Variants in NRIP1 observed in about 807,000 individuals in gnomAD.
NRIP1 encodes the protein nuclear receptor interacting protein 1.
A neutral mutation model predicts 75.0 loss-of-function variants in NRIP1; 28 were observed. The observed-to-expected ratio is 0.37, with a 90% CI of 0.28 to 0.51. The LOEUF (loss-of-function observed/expected upper bound fraction) is 0.51, where lower values mean the gene tolerates loss of function less well. Among genes scored for constraint, NRIP1 ranks in the 20% least tolerant of loss-of-function variants. The probability of loss-of-function intolerance (pLI) is 0.92; values close to 1 mark genes in which losing one functional copy is unlikely to be tolerated. For missense variants in NRIP1, 1,435 were observed against 1,343.7 expected, an observed-to-expected ratio of 1.07 and a Z score of -1.06; for synonymous variants, 526 against 487.6, an observed-to-expected ratio of 1.08 and a Z score of -1.04.
chr21:14,965,682 C>T lies in NRIP1; in HGVS notation c.2511G>A (p.Arg837=). ...QDSYLADDSD[R]SHRNNEMALL... ...GTGCCATTTCATTATTTCTGTGACTCCTGTCTGAATCATCTGCCAGGTAAC... is the reference window on the plus strand; with the variant it reads ...GTGCCATTTCATTATTTCTGTGACTTCTGTCTGAATCATCTGCCAGGTAAC... The change falls in exon 4 of 4, where the codon AGG becomes AGA. Residue 837 remains arginine (R), a synonymous_variant. Transcript: ENST00000318948. The T allele has an allele frequency of 6.2e-7, 1 of 1,613,598 alleles. No individual in the cohort carries two copies. Among genetic ancestry groups the T allele is most frequent in the Non-Finnish European group, 8.5e-7 (1 of 1,179,950 alleles).
intron 2 of NRIP1, among the ~76,000 whole-genome samples, chr21:15,015,899 T>C (rs758863683): frequency 2.0e-5 from 3 of 152,074 alleles, no homozygotes; most frequent in Admixed American, 6.6e-5. Context: ...ATGATGCAAA[T>C]AGGAAAAAAT....
At chr21:15,012,552 A>G (rs2088131854) in intron 3 of NRIP1, among the ~76,000 whole-genome samples, 1 of 135,050 alleles carries the variant, frequency 7.4e-6, no homozygotes, top group Non-Finnish European at 1.5e-5. Flanking sequence ...CTGCCGACTT[A>G]AGTGATTCTC....
At chr21:15,040,085 C>A (rs961422537) in intron 2 of NRIP1, among the ~76,000 whole-genome samples, 2 of 152,020 alleles carry the variant, frequency 1.3e-5, no homozygotes, top group African/African-American at 4.8e-5. Flanking sequence ...GCTGTGCTGT[C>A]TAATACAGCA....
At chr21:15,018,271 T>C (rs1200339189) in intron 2 of NRIP1, among the ~76,000 whole-genome samples, 1 of 152,088 alleles carries the variant, frequency 6.6e-6, no homozygotes, top group Non-Finnish European at 1.5e-5. Context: ...GTTGAACAAA[T>C]TGCTAAACAA....
rs562341133 is a variant in NRIP1 at position 15,020,543 on chromosome 21, A to C, written c.-457-6077T>G. 1.4e-3 allele frequency among the ~76,000 whole-genome samples: 207 copies of C among 152,320 alleles called. 1 individual carries two copies. Among genetic ancestry groups the C allele is most frequent in the African/African-American group, 4.7e-3 (196 of 41,592 alleles). On this transcript the variant is annotated intron_variant, in intron 2 of 3. Transcript: ENST00000318948. ...ACCTTAAGTTACAGAAATATTCCTT[A>C]AATAAGAAAACAAAAGCACAATCCA...
intron 3 of NRIP1, among the ~76,000 whole-genome samples, chr21:14,968,909 T>C (rs2086832954): frequency 6.6e-6 from 1 of 152,170 alleles, no homozygotes; most frequent in Admixed American, 6.5e-5. Context: ...AGAACTTGCT[T>C]CCTTACATTA....
chr21:14,990,648 G>A (rs1322785341), intron 3 of NRIP1, among the ~76,000 whole-genome samples: 1 of 152,210 alleles, frequency 6.6e-6, no homozygotes, highest in East Asian at 1.9e-4. Flanking sequence ...CAAGCTATAT[G>A]TGTGAACAGA....
chr21:15,031,288 C>T (rs188849149), intron 2 of NRIP1, among the ~76,000 whole-genome samples: 341 of 116,488 alleles, frequency 2.9e-3, no homozygotes, highest in East Asian at 5.5e-3. Flanking sequence ...CTCTGGAAGG[C>T]GGTTGGAGGT....
Position 14,967,988 on chromosome 21 carries a change from T to C in NRIP1, c.205A>G (p.Asn69Asp), listed in dbSNP as rs2086804178. 1 of 1,613,898 alleles carries C rather than the reference T, an allele frequency of 6.2e-7. No individual in the cohort carries two copies. Residue 69 changes from asparagine to aspartate, a missense_variant, in exon 4 of 4, where the codon AAT (asparagine) becomes GAT (aspartate). By Grantham distance (23) the Asn-to-Asp change is conservative. Coordinates refer to ENST00000318948, the MANE Select transcript of NRIP1 (RefSeq NM_003489.4). ...PTCQSNGPVL[N>D]THTYQGSGML... ...CCAGACCCCTGATATGTATGTGTAT[T>C]GAGAACTGGACCATTACTTTGACAG...
intron 1 of NRIP1, among the ~76,000 whole-genome samples, chr21:15,049,008 A>G (rs1316268671): frequency 2.6e-5 from 4 of 152,114 alleles, no homozygotes; most frequent in African/African-American, 9.7e-5. Flanking sequence ...TATAAATAAC[A>G]CTAAAATATA....
chr21:14,972,448 G>T (rs1261068907), intron 3 of NRIP1, among the ~76,000 whole-genome samples: 1 of 152,096 alleles, frequency 6.6e-6, no homozygotes, highest in African/African-American at 2.4e-5. Context: ...ACGTTTTAAG[G>T]TTAAAATGTT....
Position 14,966,717 on chromosome 21 carries a change from T to G in NRIP1, c.1476A>C (p.Leu492=). Residue 492 remains leucine, a synonymous_variant, in exon 4 of 4, where the codon CTA becomes CTC. Coordinates refer to ENST00000318948, the MANE Select transcript of NRIP1 (RefSeq NM_003489.4). ...GAAGTGTTACTTTCTGGTGTGAGTTTAGCTTAGAATTCTTTGAGGTATCTT... is the reference window on the plus strand; with the variant it reads ...GAAGTGTTACTTTCTGGTGTGAGTTGAGCTTAGAATTCTTTGAGGTATCTT... ...EDQDTSKNSK[L]NSHQKVTLLQ... is the part of the protein sequence containing the mutation. 1 of 1,614,086 alleles carries G rather than the reference T, an allele frequency of 6.2e-7. No homozygotes were observed. Among genetic ancestry groups the G allele is most frequent in the Non-Finnish European group, 8.5e-7 (1 of 1,179,988 alleles).
At position 14,963,609 on chromosome 21, in the gene NRIP1, A is replaced by G. The variant is rs1412742721; in HGVS notation, c.*1107T>C. ...ACAGTCTCATGTTCTGAGGAAAGTC[A>G]TAAGTCATGGTTCTCAAACACAAGA... On this transcript the variant is annotated 3_prime_UTR_variant, in exon 4 of 4. Transcript: ENST00000318948. 7 of 152,230 alleles carry G rather than the reference A, an allele frequency of 4.6e-5. No individual in the cohort carries two copies. The highest frequency in any genetic ancestry group is 1.0e-4 in the Non-Finnish European group (7 of 68,002). 9.4% of individuals were successfully genotyped at this position (152,230 alleles called of 1,614,324 possible).
chr21:14,967,894 C>T lies in NRIP1; in HGVS notation c.299G>A (p.Arg100Lys), dbSNP rs2086800100. 2 of 1,614,160 alleles carry T rather than the reference C, an allele frequency of 1.2e-6. No individual in the cohort carries two copies. The highest frequency in any genetic ancestry group is 1.7e-6 in the Non-Finnish European group (2 of 1,180,030). Residue 100 changes from arginine (R) to lysine (K), a missense_variant, in exon 4 of 4, where the codon AGG (arginine) becomes AAG (lysine). By Grantham distance (26) the Arg-to-Lys change is conservative. Coordinates refer to ENST00000318948, the MANE Select transcript of NRIP1 (RefSeq NM_003489.4). ...TAAATTCATGATAGAATCAGACAGC[C>T]TCTTCCGCTTTGCTGCATTCCAGTC... ...SEDWNAAKRKRLSDSIMNLNV... is the reference protein window; with the variant it reads ...SEDWNAAKRKKLSDSIMNLNV...
intron 2 of NRIP1, among the ~76,000 whole-genome samples, chr21:15,020,878 T>TA (rs201297132): frequency 5.3e-4 from 75 of 141,938 alleles, no homozygotes; most frequent in East Asian, 2.4e-3. Context: ...ATAGCTATAT[T>TA]AAAAAAAAAA....
rs377519727 is a variant in NRIP1, at chr21:14,979,375, A to G, written c.-334-10849T>C. 9.8e-4 allele frequency among the ~76,000 whole-genome samples: 149 copies of G among 152,302 alleles called. 1 individual carries two copies. The highest frequency in any genetic ancestry group is 3.4e-3 in the African/African-American group (140 of 41,572). ...GATATCCTTTGAGATGGGAGCATCA[A>G]TCCTACTAAACTCAACTATGGTTTC... is the stretch of plus-strand genomic sequence containing the variant. On this transcript the variant is annotated intron_variant, in intron 3 of 3. Transcript: ENST00000318948.
chr21:15,002,584 C>T (rs988177629), intron 3 of NRIP1, among the ~76,000 whole-genome samples: 2 of 152,126 alleles, frequency 1.3e-5, no homozygotes, highest in African/African-American at 4.8e-5. Context: ...TTTTTAATCT[C>T]AGGGGCATAA....
intron 2 of NRIP1, among the ~76,000 whole-genome samples, chr21:15,017,998 A>G (rs768955851): frequency 3.9e-5 from 6 of 152,220 alleles, no homozygotes; most frequent in Non-Finnish European, 8.8e-5. Context: ...CTCTAACATT[A>G]ATACTTAAAG....
chr21:15,034,515 T>C (rs1053781171), intron 2 of NRIP1, among the ~76,000 whole-genome samples: 1 of 152,210 alleles, frequency 6.6e-6, no homozygotes, highest in Non-Finnish European at 1.5e-5. Flanking sequence ...AAAATGAATA[T>C]TATTATTGAC....
Sources: allele counts gnomAD v4.1 joint callset (sites outside exome capture counted in the v4.1 genomes callset), GRCh38; gene constraint gnomAD v4.1.1; transcripts MANE v1.5; gene names NCBI Gene and HGNC (gene_info 2026-07-23, HGNC 2026-07-21).